Variants in AFAP1L2 observed in about 807,000 individuals in gnomAD.
The protein encoded by AFAP1L2 is actin filament-associated protein 1-like 2.
In AFAP1L2, 46 loss-of-function variants were observed where a neutral mutation model predicts 99.3. The ratio of observed to expected loss-of-function variants is 0.46; its 90% CI spans 0.37 to 0.59. The LOEUF (loss-of-function observed/expected upper bound fraction) is 0.59, where lower values mean the gene tolerates loss of function less well. Among genes scored for constraint, AFAP1L2 ranks in the 20% least tolerant of loss-of-function variants. The pLI is 0.00. For missense variants in AFAP1L2, 959 were observed against 1,034.9 expected (o/e 0.93, Z 1.01); for synonymous variants, 397 against 419.1 (o/e 0.95, Z 0.64).
the AFAP1L2 span, chr10:114,289,305 G>C: frequency 6.2e-7 from 1 of 1,614,126 alleles, no homozygotes; most frequent in Non-Finnish European, 8.5e-7. Flanking sequence ...GAGGCGCAGA[G>C]GATGCAGCCG....
intron 4 of AFAP1L2, among the ~76,000 whole-genome samples, chr10:114,328,488 C>T (rs7924166): frequency 1.3e-5 from 2 of 152,046 alleles, no homozygotes; most frequent in African/African-American, 2.4e-5. Context: ...GAGGAAGAGA[C>T]GCCACAGGGC....
chr10:114,303,522 G>C (rs1313943020), intron 11 of AFAP1L2, among the ~76,000 whole-genome samples: 3 of 152,174 alleles, frequency 2.0e-5, no homozygotes, highest in Non-Finnish European at 4.4e-5. Flanking sequence ...GGCCAGGCTG[G>C]TTTCAAACTC....
chr10:114,338,282 C>T (rs2048288625), intron 2 of AFAP1L2, among the ~76,000 whole-genome samples: 1 of 152,184 alleles, frequency 6.6e-6, no homozygotes. Flanking sequence ...CCTGGCAGGA[C>T]TTGGCCTGTT....
chr10:114,357,221 T>C (rs1456045081), intron 1 of AFAP1L2, among the ~76,000 whole-genome samples: 1 of 152,198 alleles, frequency 6.6e-6, no homozygotes, highest in African/African-American at 2.4e-5. Context: ...CTGGCCAGTC[T>C]CAAAAGGACG....
rs187705283 is a variant in AFAP1L2, at chr10:114,318,507, G to A, written c.407-2742C>T. On this transcript the variant is annotated intron_variant, in intron 5 of 18. Transcript: ENST00000304129. ...TAATCCCAGCAATTTGGGAGGCCAA[G>A]GCGGGTGGATCACTTGAGGTCAGGA... 4.1e-3 allele frequency among the ~76,000 whole-genome samples: 627 copies of A among 152,246 alleles called. 4 individuals are homozygous for A. Among genetic ancestry groups the A allele is most frequent in the African/African-American group, 0.015 (609 of 41,552 alleles).
chr10:114,301,743 C>G (rs1030097006), intron 12 of AFAP1L2: 2 of 476,754 alleles, frequency 4.2e-6, no homozygotes, highest in African/African-American at 3.9e-5. Flanking sequence ...TCTTCTCCCC[C>G]ATTCCTCCCT....
chr10:114,345,131 T>C (rs1431951070), intron 1 of AFAP1L2, among the ~76,000 whole-genome samples: 1 of 145,704 alleles, frequency 6.9e-6, no homozygotes, highest in African/African-American at 2.5e-5. Flanking sequence ...GAAAAAGGGA[T>C]GAGATGCTCA....
chr10:114,297,137 G>A (rs772523676), intron 17 of AFAP1L2, 37 bp from the exon 18 acceptor site: 1 of 1,612,412 alleles, frequency 6.2e-7, no homozygotes, highest in Non-Finnish European at 8.5e-7. Flanking sequence ...CTGAGTCAAG[G>A]GGAGGGAGAT....
intron 1 of AFAP1L2, among the ~76,000 whole-genome samples, chr10:114,390,783 T>TC (rs1266932630): frequency 6.7e-6 from 1 of 149,920 alleles, no homozygotes; most frequent in East Asian, 2.0e-4. Context: ...CTATACTCCC[T>TC]CAGCTCTGCA....
the AFAP1L2 span, chr10:114,289,077 C>T: frequency 1.1e-5 from 17 of 1,614,190 alleles, no homozygotes; most frequent in African/African-American, 2.7e-5. Flanking sequence ...TGACACAGGT[C>T]GGCCTGGTGG....
At chr10:114,282,650 C>G in the AFAP1L2 span, 1 of 1,292,230 alleles carries the variant, frequency 7.7e-7, no homozygotes, top group East Asian at 2.3e-5. Context: ...TTTTACAATC[C>G]TGGGACAGAG....
chr10:114,371,459 G>A (rs773970668), intron 1 of AFAP1L2, among the ~76,000 whole-genome samples: 3 of 151,972 alleles, frequency 2.0e-5, no homozygotes, highest in Admixed American at 6.5e-5. Context: ...AGTCCCCCGC[G>A]AAAAAAAGAT....
intron 4 of AFAP1L2, chr10:114,326,036 A>T: frequency 7.8e-7 from 1 of 1,288,776 alleles, no homozygotes; most frequent in African/African-American, 1.5e-5. Context: ...CAAGGTCAGG[A>T]TTCTCTAGAG....
chr10:114,302,140 C>T (rs2041305680), intron 12 of AFAP1L2, 199 bp downstream of exon 12: 4 of 761,950 alleles, frequency 5.2e-6, no homozygotes, highest in East Asian at 2.7e-5. Flanking sequence ...AAGCCTGGCT[C>T]GGCTCCTTGC....
At chr10:114,327,173 A>ATATATATATT (rs1491191152) in intron 4 of AFAP1L2, among the ~76,000 whole-genome samples, 10 of 18,694 alleles carry the variant, frequency 5.3e-4, no homozygotes, top group African/African-American at 1.1e-3. Flanking sequence ...ATATATATAT[A>ATATATATATT]TTTTTTTTTT....
intron 1 of AFAP1L2, among the ~76,000 whole-genome samples, chr10:114,341,007 T>C (rs879935456): frequency 1.3e-5 from 2 of 152,224 alleles, no homozygotes; most frequent in Non-Finnish European, 2.9e-5. Flanking sequence ...GACAACGGCC[T>C]CGTCGGCCAA....
chr10:114,376,081 A>C (rs2054758362), intron 1 of AFAP1L2, among the ~76,000 whole-genome samples: 1 of 152,228 alleles, frequency 6.6e-6, no homozygotes, highest in African/African-American at 2.4e-5. Flanking sequence ...AATCTGGGAA[A>C]ACAAAATTTA....
At chr10:114,297,150 G>T in intron 17 of AFAP1L2, 50 bp from the exon 18 acceptor site, 1 of 1,587,966 alleles carries the variant, frequency 6.3e-7, no homozygotes, top group South Asian at 1.1e-5. Context: ...AGGGAGATGT[G>T]ACCCACCCAC....
Position 114,392,572 on chromosome 10 carries a change from C to G in AFAP1L2, c.16+11868G>C, listed in dbSNP as rs555666830. On this transcript the variant is annotated intron_variant, in intron 1 of 18. Transcript: ENST00000304129. ...AAGGGTGCTTGTGTCAGAAATATAC[C>G]GAATAAAGTCATTAGTGACACCACA... 8.5e-5 allele frequency among the ~76,000 whole-genome samples: 13 copies of G among 152,224 alleles called. No individual in the cohort carries two copies. The South Asian group carries it at 1.5e-3, about 17-fold the overall frequency.
Sources: gnomAD v4.1 joint callset for allele counts (sites outside exome capture counted in the v4.1 genomes callset) on GRCh38, gnomAD v4.1.1 for gene constraint, MANE v1.5 for transcripts, NCBI Gene and HGNC (gene_info 2026-07-23, HGNC 2026-07-21) for gene names.